SMOC2: variants seen among roughly 807,000 people sequenced by gnomAD.
SMOC2 encodes the protein SPARC-related modular calcium-binding protein 2.
In SMOC2, 39 loss-of-function variants were observed where a neutral mutation model predicts 61.4. The ratio of observed to expected loss-of-function variants is 0.64; its 90% CI spans 0.49 to 0.83. The LOEUF is 0.83. Ranked by LOEUF, SMOC2 falls within the 40% of genes least tolerant of loss-of-function variation. SMOC2 has a pLI of 0.00. For synonymous variants in SMOC2, 247 were observed against 239.9 expected, an observed-to-expected ratio of 1.03 and a Z score of -0.27; for missense variants, 556 against 592.9, an observed-to-expected ratio of 0.94 and a Z score of 0.65.
At chr6:168,652,916 G>T (rs769178707) in intron 10 of SMOC2, 38 bp from the exon 11 acceptor site, 10 of 1,598,892 alleles carry the variant, frequency 6.3e-6, no homozygotes, top group Non-Finnish European at 8.5e-6. Context: ...AGCAGCCCAG[G>T]GGTTTAAGCA....
intron 7 of SMOC2, among the ~76,000 whole-genome samples, chr6:168,557,638 T>C (rs1011487680): frequency 6.6e-6 from 1 of 152,228 alleles, no homozygotes; most frequent in African/African-American, 2.4e-5. Context: ...TGAGGTCTGA[T>C]GTTGACATCA....
chr6:168,653,362 T>C (rs1365041064), intron 11 of SMOC2, 134 bp downstream of exon 11: 1 of 1,064,136 alleles, frequency 9.4e-7, no homozygotes, highest in African/African-American at 1.6e-5. Context: ...TGTTTAATTG[T>C]TGGGCGTCTG....
rs773919964 is a variant in SMOC2, at chr6:168,510,033, G to A, written c.203G>A (p.Arg68His). The A allele has an allele frequency of 1.1e-5, 18 of 1,614,076 alleles. No individual in the cohort carries two copies. The highest frequency in any genetic ancestry group is 2.2e-5 in the East Asian group (1 of 44,902). Residue 68 changes from arginine to histidine, a missense_variant, in exon 2 of 13, where the codon CGT (arginine) becomes CAT (histidine). Physicochemically the swap from Arg to His is conservative, Grantham distance 29. Transcript: ENST00000356284. ...RTFLSRCEFQRAKCKDPQLEI... is the reference protein window; with the variant it reads ...RTFLSRCEFQHAKCKDPQLEI... ...TTCCTTTCCCGTTGTGAATTTCAAC[G>A]TGCCAAGTGCAAAGATCCCCAGCTA... is the stretch of plus-strand genomic sequence containing the variant.
chr6:168,500,472 T>C (rs1315614278), intron 1 of SMOC2, among the ~76,000 whole-genome samples: 1 of 152,090 alleles, frequency 6.6e-6, no homozygotes, highest in Non-Finnish European at 1.5e-5. Flanking sequence ...GCGTGGAACC[T>C]GACGGGGTCC....
chr6:168,642,437 T>C (rs1165687392), intron 9 of SMOC2, among the ~76,000 whole-genome samples: 1 of 152,238 alleles, frequency 6.6e-6, no homozygotes, highest in African/African-American at 2.4e-5. Flanking sequence ...ACCTTTAGGC[T>C]GAACTTAAAT....
At chr6:168,548,052 C>T (rs546673612) in intron 6 of SMOC2, among the ~76,000 whole-genome samples, 3 of 152,144 alleles carry the variant, frequency 2.0e-5, no homozygotes, top group East Asian at 3.9e-4. Context: ...CAAAGGGAAC[C>T]GGGGTTTAAG....
chr6:168,465,383 A>C (rs971737042), intron 1 of SMOC2, among the ~76,000 whole-genome samples: 2 of 151,970 alleles, frequency 1.3e-5, no homozygotes, highest in Non-Finnish European at 2.9e-5. Context: ...CGGGCTCTTC[A>C]TGAAGAGATT....
intron 9 of SMOC2, among the ~76,000 whole-genome samples, chr6:168,644,661 T>C (rs1786978642): frequency 1.4e-5 from 2 of 144,660 alleles, no homozygotes; most frequent in South Asian, 2.3e-4. Context: ...TTTTTTTTTT[T>C]TTTTTTGAGA....
At chr6:168,487,341 G>C (rs1366135649) in intron 1 of SMOC2, among the ~76,000 whole-genome samples, 2 of 150,044 alleles carry the variant, frequency 1.3e-5, no homozygotes, top group Non-Finnish European at 2.9e-5. Flanking sequence ...CTACTCGTCA[G>C]GGTGATGGGC....
At chr6:168,662,048 C>T (rs1489413441) in intron 11 of SMOC2, among the ~76,000 whole-genome samples, 1 of 152,174 alleles carries the variant, frequency 6.6e-6, no homozygotes, top group African/African-American at 2.4e-5. Context: ...GAAAATAGAG[C>T]AATTTTGCTC....
intron 1 of SMOC2, among the ~76,000 whole-genome samples, chr6:168,455,999 G>A (rs1266482632): frequency 1.3e-5 from 2 of 152,226 alleles, no homozygotes; most frequent in African/African-American, 2.4e-5. Flanking sequence ...CAGGCAGGGC[G>A]GAGATGCCCC....
At chr6:168,637,818 G>A (rs1410493342) in intron 9 of SMOC2, among the ~76,000 whole-genome samples, 1 of 152,210 alleles carries the variant, frequency 6.6e-6, no homozygotes, top group Non-Finnish European at 1.5e-5. Flanking sequence ...TTGCAATTCA[G>A]GAGCAGCCTC....
chr6:168,499,809 C>A (rs915080396), intron 1 of SMOC2, among the ~76,000 whole-genome samples: 2 of 152,154 alleles, frequency 1.3e-5, no homozygotes, highest in Admixed American at 1.3e-4. Flanking sequence ...GCCCTGGGGT[C>A]CCACGCTGAC....
intron 5 of SMOC2, among the ~76,000 whole-genome samples, chr6:168,545,031 G>C (rs1476564081): frequency 6.6e-6 from 1 of 152,158 alleles, no homozygotes; most frequent in Non-Finnish European, 1.5e-5. Flanking sequence ...GAGGGTTTAT[G>C]TTTGGAAAGG....
At chr6:168,643,925 T>C (rs1046812283) in intron 9 of SMOC2, among the ~76,000 whole-genome samples, 3 of 152,166 alleles carry the variant, frequency 2.0e-5, no homozygotes, top group Admixed American at 2.0e-4. Flanking sequence ...AATGCTGTAG[T>C]CCTGCCTCTG....
Position 168,453,123 on chromosome 6 carries a change from C to A in SMOC2, c.84+11669C>A, listed in dbSNP as rs1012212072. On this transcript the variant is annotated intron_variant, in intron 1 of 12. Transcript: ENST00000356284. The surrounding 1 kb of genome is among the most constrained non-coding windows in gnomAD (Gnocchi z 4.4). ...TCAGGGCAATCTGCCCTGAGGAATT[C>A]AGGGCAGTGTGGCTTGAATCTGCTG... 1.3e-5 allele frequency among the ~76,000 whole-genome samples: 2 copies of A among 151,630 alleles called. No individual in the cohort carries two copies. The highest frequency in any genetic ancestry group is 4.8e-5 in the African/African-American group (2 of 41,274).
rs192945177 is a variant in SMOC2 at position 168,541,159 on chromosome 6, C to G, written c.464-2466C>G. Among the ~76,000 whole-genome samples, 33 of 152,328 alleles carry G rather than the reference C, an allele frequency of 2.2e-4. No individual in the cohort carries two copies. In the South Asian group the frequency reaches 6.0e-3, roughly 28 times the overall value. ...TTCTTCCACCAGAAATTCGTATCCCCATTATGACAAAACCCACCCCTTTAG... is the reference window on the plus strand; with the variant it reads ...TTCTTCCACCAGAAATTCGTATCCCGATTATGACAAAACCCACCCCTTTAG... On this transcript the variant is annotated intron_variant, in intron 4 of 12. Transcript: ENST00000356284.
intron 1 of SMOC2, among the ~76,000 whole-genome samples, chr6:168,459,820 C>T (rs1781681073): frequency 8.3e-6 from 1 of 121,012 alleles, no homozygotes; most frequent in African/African-American, 3.2e-5. Context: ...TGGGTGAGCC[C>T]TGGGGTGGGT....
intron 9 of SMOC2, among the ~76,000 whole-genome samples, chr6:168,642,519 A>G (rs1351231702): frequency 1.3e-5 from 2 of 151,790 alleles, no homozygotes; most frequent in East Asian, 3.9e-4. Context: ...ACTGGCCAGG[A>G]CTTCTTTCTC....
Sources: gnomAD v4.1 joint callset for allele counts (sites outside exome capture counted in the v4.1 genomes callset) on GRCh38, gnomAD v4.1.1 for gene constraint, Gnocchi (gnomAD v3.1) non-coding constraint, MANE v1.5 for transcripts, NCBI Gene and HGNC (gene_info 2026-07-23, HGNC 2026-07-21) for gene names.